The following POU2F1 variants were observed in gnomAD, a reference collection of about 807,000 sequenced individuals.
POU2F1 encodes POU class 2 homeobox 1, also known as POU domain, class 2, transcription factor 1.
A neutral mutation model predicts 84.9 loss-of-function variants in POU2F1; 16 were observed. The ratio of observed to expected loss-of-function variants is 0.19; its 90% CI spans 0.13 to 0.29. The LOEUF (loss-of-function observed/expected upper bound fraction) is 0.29, where lower values mean the gene tolerates loss of function less well. POU2F1 is among the 10% of genes least tolerant of loss of function. The pLI, the probability that POU2F1 is intolerant of heterozygous loss-of-function variation, is 1.00. For synonymous variants in POU2F1, 368 were observed against 368.3 expected, an observed-to-expected ratio of 1.00 and a Z score of 0.01; for missense variants, 738 against 942.6, an observed-to-expected ratio of 0.78 and a Z score of 2.84.
chr1:167,325,290 A>T (rs1656622141), intron 1 of POU2F1, among the ~76,000 whole-genome samples: 1 of 152,176 alleles, frequency 6.6e-6, no homozygotes, highest in East Asian at 1.9e-4. Flanking sequence ...GTGCTAAAAG[A>T]TGCAGACACC....
chr1:167,386,977 G>C (rs551019834), intron 8 of POU2F1, among the ~76,000 whole-genome samples: 58 of 152,318 alleles, frequency 3.8e-4, no homozygotes, highest in Middle Eastern at 6.8e-3. Flanking sequence ...AGTAGCAGTT[G>C]TATGACTGTA....
chr1:167,353,814 A>ATAAAG (rs919154045), intron 2 of POU2F1, among the ~76,000 whole-genome samples: 1 of 152,226 alleles, frequency 6.6e-6, no homozygotes, highest in African/African-American at 2.4e-5. Context: ...CACTGTGGCC[A>ATAAAG]TAAAGTAGAA....
chr1:167,312,993 G>A (rs1251965263), intron 1 of POU2F1, among the ~76,000 whole-genome samples: 1 of 152,206 alleles, frequency 6.6e-6, no homozygotes, highest in Non-Finnish European at 1.5e-5. Flanking sequence ...TAGGTGTATA[G>A]TAGCCTGTAC....
chr1:167,344,051 A>C (rs1658037520), intron 2 of POU2F1, among the ~76,000 whole-genome samples: 1 of 152,158 alleles, frequency 6.6e-6, no homozygotes, highest in African/African-American at 2.4e-5. Context: ...TAGGATGGAC[A>C]CTGACTGCAT....
At chr1:167,387,338 C>G in intron 8 of POU2F1, 1 of 408,638 alleles carries the variant, frequency 2.4e-6, no homozygotes, top group Admixed American at 2.6e-5. Context: ...TAAGACTCAC[C>G]TGTAACTGTC....
intron 1 of POU2F1, among the ~76,000 whole-genome samples, chr1:167,271,677 A>G (rs1443502669): frequency 6.6e-6 from 1 of 152,200 alleles, no homozygotes; most frequent in East Asian, 1.9e-4. Context: ...GACCTCAGAG[A>G]GTTTCTGTGG....
At chr1:167,243,481 TTA>T (rs1002999617) in intron 1 of POU2F1, among the ~76,000 whole-genome samples, 1 of 152,254 alleles carries the variant, frequency 6.6e-6, no homozygotes, top group Non-Finnish European at 1.5e-5. Context: ...TTTTTAATTT[TTA>T]TTTTTTTTTG....
rs1659622139 is a variant in POU2F1, at chr1:167,365,389, G to A, written c.128-78G>A. 5 of 1,083,982 alleles carry A rather than the reference G, an allele frequency of 4.6e-6. No homozygotes were observed. In the South Asian group the frequency reaches 6.9e-5, roughly 15 times the overall value. 67.1% of individuals were successfully genotyped at this position (1,083,982 alleles called of 1,614,324 possible). ...TACTTATGCAAAATAGGTGCCTGAT[G>A]AATGTTGGTAACTGAAATCTAGTGC... On this transcript the variant is annotated intron_variant, in intron 2 of 15. Transcript: ENST00000367866.
intron 1 of POU2F1, among the ~76,000 whole-genome samples, chr1:167,242,321 TAGAAG>T (rs1264163907): frequency 6.6e-6 from 1 of 152,220 alleles, no homozygotes; most frequent in Non-Finnish European, 1.5e-5. Flanking sequence ...TGAGCAGTGA[TAGAAG>T]AGAACCAAGA....
intron 2 of POU2F1, among the ~76,000 whole-genome samples, chr1:167,353,783 C>T (rs1353477090): frequency 1.3e-5 from 2 of 152,104 alleles, no homozygotes; most frequent in South Asian, 2.1e-4. Flanking sequence ...ATGAATGTAG[C>T]GTTTAAGTAC....
chr1:167,415,544 A>G lies in POU2F1; in HGVS notation c.2035A>G (p.Thr679Ala), dbSNP rs1445588630. 1.2e-5 allele frequency: 20 copies of G among 1,614,120 alleles called. No homozygotes were observed. Among genetic ancestry groups the G allele is most frequent in the Non-Finnish European group, 1.6e-5 (19 of 1,180,024 alleles). Residue 679 changes from threonine (T) to alanine (A), a missense_variant, in exon 16 of 16, where the codon ACT (threonine) becomes GCT (alanine). Coordinates refer to ENST00000367866, the MANE Select transcript of POU2F1 (RefSeq NM_002697.4). ...GSLPITSLDA[T>A]GNLVFANAGG... is the part of the protein sequence containing the mutation. Reference sequence around the variant, plus strand: ...TCTTCCAATAACATCACTTGATGCAACTGGGAACCTGGTATTTGCCAATGC... The same window carrying G: ...TCTTCCAATAACATCACTTGATGCAGCTGGGAACCTGGTATTTGCCAATGC...
chr1:167,298,661 AT>A (rs1654449627), intron 1 of POU2F1, among the ~76,000 whole-genome samples: 1 of 152,062 alleles, frequency 6.6e-6, no homozygotes, highest in Non-Finnish European at 1.5e-5. Flanking sequence ...TTAAGAGTCC[AT>A]TTTTTGGGAG....
chr1:167,292,663 T>A (rs942788047), intron 1 of POU2F1, among the ~76,000 whole-genome samples: 3 of 149,478 alleles, frequency 2.0e-5, no homozygotes, highest in Admixed American at 6.7e-5. Flanking sequence ...AAAGAACATT[T>A]AAAAAAAAAC....
rs961052020 is a variant in POU2F1 at position 167,421,544 on chromosome 1, T to C, written c.*5734T>C. ...CTTCTAACCTTATTCATTAAGTAGTTCCTTGTTTTGGCCCTTCTACTCTTG... is the reference window on the plus strand; with the variant it reads ...CTTCTAACCTTATTCATTAAGTAGTCCCTTGTTTTGGCCCTTCTACTCTTG... On this transcript the variant is annotated 3_prime_UTR_variant, in exon 16 of 16. Coordinates refer to ENST00000367866, the MANE Select transcript of POU2F1 (RefSeq NM_002697.4). 3 of 152,340 alleles carry C rather than the reference T, an allele frequency of 2.0e-5. No individual in the cohort carries two copies. The East Asian group carries it at 5.8e-4, about 29-fold the overall frequency. The allele number at this position is 152,340 out of a possible 1,614,324, so 9.4% of individuals were successfully genotyped here.
intron 1 of POU2F1, among the ~76,000 whole-genome samples, chr1:167,319,394 G>A (rs1656153203): frequency 6.6e-6 from 1 of 152,048 alleles, no homozygotes; most frequent in African/African-American, 2.4e-5. Flanking sequence ...CTGGGCTTTA[G>A]GCAGGCTCAA....
chr1:167,425,159 C>CA lies in POU2F1; in HGVS notation c.*9349_*9350insA, dbSNP rs947998170. 1.3e-4 allele frequency: 20 copies of CA among 152,156 alleles called. No individual in the cohort carries two copies. The highest frequency in any genetic ancestry group is 4.8e-4 in the African/African-American group (20 of 41,424). 9.4% of individuals were successfully genotyped at this position (152,156 alleles called of 1,614,324 possible). ...AGTTCCCAACCTTCAATTCCCACCC[C>CA]TAATGCTGACAAAAAGCTTAGCCAG... On this transcript the variant is annotated 3_prime_UTR_variant, in exon 16 of 16. Transcript: ENST00000367866.
intron 4 of POU2F1, among the ~76,000 whole-genome samples, chr1:167,370,432 T>C (rs1257936372): frequency 6.6e-6 from 1 of 152,214 alleles, no homozygotes; most frequent in African/African-American, 2.4e-5. Context: ...ACAGGAAAAG[T>C]CTACTTTCAA....
At position 167,399,233 on chromosome 1, in the gene POU2F1, C is replaced by G. The variant is rs1170193634; in HGVS notation, c.1317C>G (p.Leu439=). The stretch of plus-strand genomic sequence containing the variant: ...AGATCACTATGATTGCTGATCAGCT[C>G]AATATGGAAAAAGAGGTGATTCGTG... The part of the protein sequence containing the change: ...SEEITMIADQ[L]NMEKEVIRVW... Residue 439 remains leucine, a synonymous_variant, in exon 12 of 16, where the codon CTC becomes CTG. Transcript: ENST00000367866. 5 of 1,613,698 alleles carry G rather than the reference C, an allele frequency of 3.1e-6. No individual in the cohort carries two copies. In the East Asian group the frequency reaches 1.1e-4, roughly 36 times the overall value.
At chr1:167,357,843 C>T (rs1210237288) in intron 2 of POU2F1, among the ~76,000 whole-genome samples, 3 of 121,028 alleles carry the variant, frequency 2.5e-5, no homozygotes, top group African/African-American at 9.7e-5. Flanking sequence ...CTCACTCTGT[C>T]TTCAGGCTGG....
Sources: allele counts gnomAD v4.1 joint callset (sites outside exome capture counted in the v4.1 genomes callset), GRCh38; gene constraint gnomAD v4.1.1; transcripts MANE v1.5; gene names NCBI Gene and HGNC (gene_info 2026-07-23, HGNC 2026-07-21).